Variants in SLCO3A1 observed in about 807,000 individuals in gnomAD.
The protein encoded by SLCO3A1 is PGE1 transporter.
SLCO3A1 carries 27 observed loss-of-function variants against 63.1 expected under a neutral mutation model. That is an observed-to-expected ratio of 0.43 (90% CI 0.32 to 0.59). The LOEUF (loss-of-function observed/expected upper bound fraction) is 0.59, where lower values mean the gene tolerates loss of function less well. Ranked by LOEUF, SLCO3A1 falls within the 20% of genes least tolerant of loss-of-function variation. The pLI, the probability that SLCO3A1 is intolerant of heterozygous loss-of-function variation, is 0.09. For missense variants in SLCO3A1, 773 were observed against 945.8 expected (o/e 0.82, Z 2.40); for synonymous variants, 473 against 409.9 (o/e 1.15, Z -1.86).
chr15:91,939,143 G>C (rs1372291782), intron 2 of SLCO3A1, among the ~76,000 whole-genome samples: 3 of 152,168 alleles, frequency 2.0e-5, no homozygotes, highest in African/African-American at 4.8e-5. Flanking sequence ...GCCAGCATCT[G>C]CTTCTGGGGA....
intron 1 of SLCO3A1, among the ~76,000 whole-genome samples, chr15:91,864,949 A>G (rs181928359): frequency 8.9e-4 from 136 of 152,282 alleles, no homozygotes; most frequent in Non-Finnish European, 1.7e-3. Context: ...TCACAGTCAC[A>G]TGGGTAGGGA....
intron 7 of SLCO3A1, among the ~76,000 whole-genome samples, chr15:92,143,377 A>ATAT: frequency 5.2e-3 from 5 of 960 alleles, no homozygotes; most frequent in African/African-American, 0.011. Context: ...ATTATATAAT[A>ATAT]TATATAATAT....
At chr15:92,049,431 C>T (rs2046930236) in intron 2 of SLCO3A1, among the ~76,000 whole-genome samples, 1 of 152,110 alleles carries the variant, frequency 6.6e-6, no homozygotes, top group Non-Finnish European at 1.5e-5. Flanking sequence ...TCCAGTACCC[C>T]CAAGCTCTTG....
chr15:92,061,675 A>C (rs78722474), intron 2 of SLCO3A1, among the ~76,000 whole-genome samples: 7,352 of 152,254 alleles, frequency 0.048, 236 homozygotes, highest in African/African-American at 0.083. Context: ...CGTGGTGGAG[A>C]TGGGGAGCTA....
At chr15:91,917,161 C>T (rs1223587089) in intron 2 of SLCO3A1, among the ~76,000 whole-genome samples, 1 of 151,992 alleles carries the variant, frequency 6.6e-6, no homozygotes, top group Non-Finnish European at 1.5e-5. Context: ...TGGATGGCAG[C>T]GTGCAAGGTG....
intron 2 of SLCO3A1, among the ~76,000 whole-genome samples, chr15:92,076,079 G>C (rs1370128887): frequency 1.3e-5 from 2 of 152,140 alleles, no homozygotes; most frequent in Non-Finnish European, 2.9e-5. Context: ...TCCATCCTTA[G>C]TTTTCACCAG....
In SLCO3A1 at chr15:91,854,853, G is replaced by T. The variant is rs147967299; in HGVS notation, c.180+765G>T. Among the ~76,000 whole-genome samples the T allele has an allele frequency of 1.6e-3, 243 of 152,276 alleles. 3 individuals are homozygous for T. Among genetic ancestry groups the T allele is most frequent in the African/African-American group, 5.8e-3 (239 of 41,536 alleles). ...GTATTTTATTTGCCTCCAGAAAGGG[G>T]ATGTTAATGCTCAGAGGGCCCATGG... On this transcript the variant is annotated intron_variant, in intron 1 of 9. Coordinates refer to ENST00000318445, the MANE Select transcript of SLCO3A1 (RefSeq NM_013272.4). This position sits in a 1 kb window ranked among gnomAD's most constrained non-coding sequence, Gnocchi z 6.4.
chr15:91,928,807 C>T (rs945024049), intron 2 of SLCO3A1, among the ~76,000 whole-genome samples: 3 of 152,178 alleles, frequency 2.0e-5, no homozygotes, highest in African/African-American at 7.2e-5. Context: ...TTCAAAATCT[C>T]CTTGTAGTAA....
intron 2 of SLCO3A1, among the ~76,000 whole-genome samples, chr15:91,918,192 T>G (rs1363114303): frequency 6.6e-6 from 1 of 152,218 alleles, no homozygotes; most frequent in African/African-American, 2.4e-5. Flanking sequence ...CACTTTGGTT[T>G]GGGACATGGG....
intron 2 of SLCO3A1, among the ~76,000 whole-genome samples, chr15:91,931,270 A>G (rs1302274443): frequency 6.6e-6 from 1 of 152,156 alleles, no homozygotes; most frequent in Non-Finnish European, 1.5e-5. Flanking sequence ...AAGAAATAAC[A>G]TGACAAAGCC....
At chr15:92,146,315 TTTTC>T (rs1432321614) in intron 7 of SLCO3A1, among the ~76,000 whole-genome samples, 1 of 152,194 alleles carries the variant, frequency 6.6e-6, no homozygotes, top group East Asian at 1.9e-4. Flanking sequence ...ATGCAGTCAC[TTTTC>T]TTTCTTCTCT....
In SLCO3A1 at chr15:91,865,105, A is replaced by C. The variant is rs1340980587; in HGVS notation, c.180+11017A>C. ...ATGGAGCTGAGCGTGGTCTCTTACA[A>C]GCCTTTCAGATCCAATTCCACCTTT... On this transcript the variant is annotated intron_variant, in intron 1 of 9. Coordinates refer to ENST00000318445, the MANE Select transcript of SLCO3A1 (RefSeq NM_013272.4). This position sits in a 1 kb window ranked among gnomAD's most constrained non-coding sequence, Gnocchi z 4.6. Among the ~76,000 whole-genome samples the C allele has an allele frequency of 6.6e-6, 1 of 152,202 alleles. No individual in the cohort carries two copies.
intron 2 of SLCO3A1, among the ~76,000 whole-genome samples, chr15:92,056,121 C>T (rs1238737052): frequency 2.6e-5 from 4 of 152,054 alleles, no homozygotes; most frequent in South Asian, 4.2e-4. Flanking sequence ...TCTAGTAACA[C>T]CTGGGGCTTG....
intron 2 of SLCO3A1, among the ~76,000 whole-genome samples, chr15:92,047,870 G>A (rs2046909064): frequency 6.6e-6 from 1 of 151,116 alleles, no homozygotes; most frequent in Non-Finnish European, 1.5e-5. Context: ...TCCCATCCAG[G>A]CCTGAGTCCA....
chr15:91,926,478 A>G (rs1047338597), intron 2 of SLCO3A1, among the ~76,000 whole-genome samples: 1 of 151,414 alleles, frequency 6.6e-6, no homozygotes, highest in African/African-American at 2.4e-5. Context: ...AAATGACTTC[A>G]TATTGTCAGG....
In SLCO3A1 at chr15:92,002,453, C is replaced by A. The variant is rs553779453; in HGVS notation, c.646+85995C>A. ...AACATTTCTTACAAGTCCATAAGGC[C>A]CAGGTGATGAAAACAGCATGGTGTG... On this transcript the variant is annotated intron_variant, in intron 2 of 9. Coordinates refer to ENST00000318445, the MANE Select transcript of SLCO3A1 (RefSeq NM_013272.4). 2.0e-5 allele frequency among the ~76,000 whole-genome samples: 3 copies of A among 152,178 alleles called. No homozygotes were observed. The East Asian group carries it at 5.8e-4, about 29-fold the overall frequency.
chr15:91,975,223 C>G (rs1328482576), intron 2 of SLCO3A1, among the ~76,000 whole-genome samples: 1 of 152,058 alleles, frequency 6.6e-6, no homozygotes, highest in Non-Finnish European at 1.5e-5. Flanking sequence ...TGAACTGGTA[C>G]CTAGGTGTGC....
chr15:92,044,453 A>G (rs560663523), intron 2 of SLCO3A1, among the ~76,000 whole-genome samples: 1 of 152,150 alleles, frequency 6.6e-6, no homozygotes, highest in South Asian at 2.1e-4. Flanking sequence ...TCATTCTCTC[A>G]GGCAAGCAAA....
rs923494599 is a variant in SLCO3A1 at position 91,872,090 on chromosome 15, C to T, written c.180+18002C>T. On this transcript the variant is annotated intron_variant, in intron 1 of 9. Transcript: ENST00000318445. The surrounding 1 kb of genome is among the most constrained non-coding windows in gnomAD (Gnocchi z 4.1). ...CAAAAGATGTGGGGAGTCAAATCCT[C>T]TGTGGAAAGGGGAATTGCCTTCGTC... Among the ~76,000 whole-genome samples the T allele has an allele frequency of 1.3e-5, 2 of 152,106 alleles. No individual in the cohort carries two copies. The highest frequency in any genetic ancestry group is 2.9e-5 in the Non-Finnish European group (2 of 68,018).
Sources: gnomAD v4.1 joint callset for allele counts (sites outside exome capture counted in the v4.1 genomes callset) on GRCh38, gnomAD v4.1.1 for gene constraint, Gnocchi (gnomAD v3.1) non-coding constraint, MANE v1.5 for transcripts, NCBI Gene and HGNC (gene_info 2026-07-23, HGNC 2026-07-21) for gene names.